The following POLA2 variants were observed in gnomAD, a reference collection of about 807,000 sequenced individuals.
POLA2 encodes DNA polymerase alpha subunit B.
POLA2 carries 47 observed loss-of-function variants against 82.8 expected under a neutral mutation model. The ratio of observed to expected loss-of-function variants is 0.57; its 90% CI spans 0.45 to 0.72. POLA2 has a LOEUF of 0.72. Among genes scored for constraint, POLA2 ranks in the 30% least tolerant of loss-of-function variants. POLA2 has a pLI of 0.00. For synonymous variants in POLA2, 287 were observed against 286.8 expected (o/e 1.00, Z -0.01); for missense variants, 634 against 728.1 (o/e 0.87, Z 1.49).
Position 65,295,538 on chromosome 11 carries a change from A to T in POLA2, c.1461-2A>T. The stretch of plus-strand genomic sequence containing the variant: ...GTTTTCATGCTTTCTTTTCTTTCCC[A>T]GTTCTTCCGGAACTTCAGACAGATT... On this transcript the variant is annotated splice_acceptor_variant, in intron 15 of 17. Coordinates refer to ENST00000265465, the MANE Select transcript of POLA2 (RefSeq NM_002689.4). LOFTEE classifies it high-confidence loss of function. The T allele has an allele frequency of 1.2e-6, 2 of 1,613,288 alleles. No homozygotes were observed. Among genetic ancestry groups the T allele is most frequent in the Non-Finnish European group, 1.7e-6 (2 of 1,179,320 alleles).
intron 4 of POLA2, among the ~76,000 whole-genome samples, chr11:65,274,404 G>C (rs1949554703): frequency 6.7e-6 from 1 of 150,026 alleles, no homozygotes; most frequent in South Asian, 2.1e-4. Context: ...ATTGGGTCAG[G>C]TGCAGTAGCT....
In POLA2 at chr11:65,276,008, ATAAT is replaced by A. The variant is rs1473774892; in HGVS notation, c.461+12_461+15del. ...CAAGTTTCTCTCCAAGGTATGGATCATAATTCATTCAAGTGCCATAAAGCTGGCC... is the reference window on the plus strand; with the variant it reads ...CAAGTTTCTCTCCAAGGTATGGATCATCATTCAAGTGCCATAAAGCTGGCC... On this transcript the variant is annotated intron_variant, in intron 5 of 17. Transcript: ENST00000265465. 2.6e-6 allele frequency: 4 copies of A among 1,532,120 alleles called. No individual in the cohort carries two copies. Among genetic ancestry groups the A allele is most frequent in the Non-Finnish European group, 3.6e-6 (4 of 1,119,470 alleles). The allele number at this position is 1,532,120 out of a possible 1,614,324, so 94.9% of individuals were successfully genotyped here.
chr11:65,275,923 A>C lies in POLA2; in HGVS notation c.386A>C (p.Glu129Ala), dbSNP rs780646204. 1 of 1,608,738 alleles carries C rather than the reference A, an allele frequency of 6.2e-7. No individual in the cohort carries two copies. Among genetic ancestry groups the C allele is most frequent in the Non-Finnish European group, 8.5e-7 (1 of 1,177,614 alleles). The change falls in exon 5 of 18, where the codon GAA becomes GCA. Residue 129 changes from glutamate to alanine, a missense_variant. By Grantham distance (107) the Glu-to-Ala change is moderately radical. Transcript: ENST00000265465. ...CAGAAGCGAGCTATCTCTACCCCAG[A>C]AACCCCCCTAACAAAAAGGAGTGTG... ...GSQKRAISTP[E>A]TPLTKRSVST...
intron 10 of POLA2, among the ~76,000 whole-genome samples, chr11:65,286,412 CT>C (rs900754346): frequency 2.0e-5 from 3 of 147,168 alleles, no homozygotes; most frequent in Non-Finnish European, 4.5e-5. Flanking sequence ...TTTTTTTTTT[CT>C]TTTTTTTTGA....
intron 10 of POLA2, among the ~76,000 whole-genome samples, chr11:65,286,269 GC>G (rs982030538): frequency 5.3e-5 from 8 of 152,188 alleles, no homozygotes; most frequent in Non-Finnish European, 1.2e-4. Context: ...AATGCAGGTG[GC>G]CTCTGAAAGC....
chr11:65,304,707 G>A (rs1949877545), intron 8 of POLA2, among the ~76,000 whole-genome samples: 2 of 152,284 alleles, frequency 1.3e-5, no homozygotes, highest in South Asian at 4.1e-4. Flanking sequence ...GGAGCAAATC[G>A]CAGGGCTCAT....
intron 12 of POLA2, among the ~76,000 whole-genome samples, chr11:65,289,576 T>C (rs1949732761): frequency 6.6e-6 from 1 of 152,258 alleles, no homozygotes; most frequent in Non-Finnish European, 1.5e-5. Context: ...CTCTTTCTTT[T>C]AGTCTCTCTC....
In POLA2 at chr11:65,262,386, C is replaced by A; in HGVS notation, c.79+15C>A. On this transcript the variant is annotated intron_variant, in intron 1 of 17. Coordinates refer to ENST00000265465, the MANE Select transcript of POLA2 (RefSeq NM_002689.4). The stretch of plus-strand genomic sequence containing the variant: ...AATTGAGAAATGTGAGTCCCGCACC[C>A]CTCCCGCCCTGCAGCCGTGCTCCAC... The A allele has an allele frequency of 6.2e-7, 1 of 1,602,612 alleles. No individual in the cohort carries two copies. The highest frequency in any genetic ancestry group is 2.3e-5 in the East Asian group (1 of 44,302).
At chr11:65,268,922 C>A (rs1295053800) in intron 4 of POLA2, among the ~76,000 whole-genome samples, 193 bp downstream of exon 4, 1 of 152,154 alleles carries the variant, frequency 6.6e-6, no homozygotes, top group Admixed American at 6.5e-5. Context: ...ATATAGTTAT[C>A]CTGCTTTTCT....
intron 4 of POLA2, among the ~76,000 whole-genome samples, chr11:65,271,673 C>A (rs1266738929): frequency 6.6e-6 from 1 of 150,676 alleles, no homozygotes; most frequent in Non-Finnish European, 1.5e-5. Flanking sequence ...CAGCGAAACT[C>A]CATCTCTACT....
rs1020502172 is a variant in POLA2 at position 65,262,043 on chromosome 11, T to C, written c.-250T>C. On this transcript the variant is annotated 5_prime_UTR_variant, in exon 1 of 18. Transcript: ENST00000265465. ...TCACCAGGAGAGCGTCCTCTCGAGA[T>C]TTCTGCTCCCTCCATTCAGGGCGTT... 1.8e-6 allele frequency: 1 copy of C among 550,752 alleles called. No individual in the cohort carries two copies. Among genetic ancestry groups the C allele is most frequent in the Non-Finnish European group, 3.2e-6 (1 of 310,942 alleles). 34.1% of individuals were successfully genotyped at this position (550,752 alleles called of 1,614,324 possible).
chr11:65,304,711 G>A (rs1188131161), intron 8 of POLA2, among the ~76,000 whole-genome samples: 1 of 152,126 alleles, frequency 6.6e-6, no homozygotes, highest in African/African-American at 2.4e-5. Flanking sequence ...CAAATCGCAG[G>A]GCTCATGGAG....
Position 65,281,717 on chromosome 11 carries a change from C to T in POLA2, c.948C>T (p.Ala316=). 1.2e-6 allele frequency: 2 copies of T among 1,613,754 alleles called. No homozygotes were observed. Among genetic ancestry groups the T allele is most frequent in the Non-Finnish European group, 1.7e-6 (2 of 1,179,648 alleles). The change falls in exon 9 of 18, where the codon GCC becomes GCT. Residue 316 remains alanine (A), a synonymous_variant. Coordinates refer to ENST00000265465, the MANE Select transcript of POLA2 (RefSeq NM_002689.4). ...GINTTGRKLV[A]TKLYEGVPLP... ...ACACCACTGGTAGGAAACTTGTTGC[C>T]ACCAAACTCTACGAGGTACACAGCA... is the stretch of plus-strand genomic sequence containing the variant.
At chr11:65,303,235 A>G (rs1949867967), downstream of POLA2, among the ~76,000 whole-genome samples, 1 of 151,492 alleles carries the variant, frequency 6.6e-6, no homozygotes, top group African/African-American at 2.4e-5. Context: ...CCAGCTACTC[A>G]GGAGGCTGAG....
downstream of POLA2, among the ~76,000 whole-genome samples, chr11:65,300,255 G>A (rs990831166): frequency 2.5e-4 from 38 of 152,050 alleles, no homozygotes; most frequent in Non-Finnish European, 4.9e-4. Flanking sequence ...GAGTGCAGTA[G>A]CGCAATCTCG....
At chr11:65,282,663 G>A (rs1051202282) in intron 10 of POLA2, 142 bp downstream of exon 10, 8 of 719,206 alleles carry the variant, frequency 1.1e-5, no homozygotes, top group Admixed American at 2.2e-5. Context: ...ACCATCATGA[G>A]TTCGTAGGTT....
intron 4 of POLA2, among the ~76,000 whole-genome samples, chr11:65,274,310 T>C (rs1949553055): frequency 6.7e-6 from 1 of 150,000 alleles, no homozygotes; most frequent in Non-Finnish European, 1.5e-5. Flanking sequence ...GAGGTTGCAG[T>C]GAGCCGAGAT....
intron 4 of POLA2, among the ~76,000 whole-genome samples, chr11:65,270,380 A>C (rs937853879): frequency 1.3e-5 from 2 of 152,238 alleles, no homozygotes; most frequent in Non-Finnish European, 2.9e-5. Flanking sequence ...TAAATAGTTT[A>C]GATATGCCTG....
chr11:65,290,979 G>A (rs1415769269), intron 13 of POLA2, among the ~76,000 whole-genome samples: 2 of 152,194 alleles, frequency 1.3e-5, no homozygotes, highest in African/African-American at 2.4e-5. Flanking sequence ...TAGACCAAAC[G>A]GAAGGAACTG....
Sources: gnomAD v4.1 joint callset for allele counts (sites outside exome capture counted in the v4.1 genomes callset) on GRCh38, gnomAD v4.1.1 for gene constraint, MANE v1.5 for transcripts, NCBI Gene and HGNC (gene_info 2026-07-23, HGNC 2026-07-21) for gene names.